Variants in KCNH1 observed in about 807,000 individuals in gnomAD.
KCNH1 encodes voltage-gated delayed rectifier potassium channel KCNH1.
KCNH1 carries 27 observed loss-of-function variants against 69.2 expected under a neutral mutation model. The ratio of observed to expected loss-of-function variants is 0.39; its 90% CI spans 0.29 to 0.54. The LOEUF is 0.54. Ranked by LOEUF, KCNH1 falls within the 20% of genes least tolerant of loss-of-function variation. KCNH1 has a pLI of 0.68. For synonymous variants in KCNH1, 456 were observed against 487.7 expected, an observed-to-expected ratio of 0.93 and a Z score of 0.86; for missense variants, 798 against 1,261.6, an observed-to-expected ratio of 0.63 and a Z score of 5.57.
chr1:210,957,845 G>A (rs1289786146), intron 6 of KCNH1, among the ~76,000 whole-genome samples: 1 of 152,148 alleles, frequency 6.6e-6, no homozygotes, highest in African/African-American at 2.4e-5. Flanking sequence ...ACAGCACACT[G>A]ATGGGTCTTG....
intron 6 of KCNH1, among the ~76,000 whole-genome samples, chr1:210,980,819 ATGTGTG>A (rs57591026): frequency 1.2e-4 from 18 of 149,072 alleles, no homozygotes; most frequent in East Asian, 1.2e-3. Context: ...GTATTAGACA[ATGTGTG>A]TGTGTGTGTG....
intron 6 of KCNH1, among the ~76,000 whole-genome samples, chr1:210,953,159 G>A (rs904053432): frequency 2.6e-5 from 4 of 152,160 alleles, no homozygotes; most frequent in Non-Finnish European, 5.9e-5. Context: ...AGCAAAGGGT[G>A]AGACTTTTCC....
At chr1:210,879,689 A>C (rs1188145763) in intron 7 of KCNH1, among the ~76,000 whole-genome samples, 1 of 152,146 alleles carries the variant, frequency 6.6e-6, no homozygotes, top group Non-Finnish European at 1.5e-5. Context: ...TCCCACTAAC[A>C]TTAGGAACAA....
intron 7 of KCNH1, among the ~76,000 whole-genome samples, chr1:210,875,926 C>G (rs1420925879): frequency 6.6e-6 from 1 of 151,560 alleles, no homozygotes; most frequent in Non-Finnish European, 1.5e-5. Flanking sequence ...TAGGAATAAA[C>G]AAAAATGTGC....
chr1:211,000,936 G>T (rs79960124), intron 6 of KCNH1, among the ~76,000 whole-genome samples: 50,154 of 151,820 alleles, frequency 0.33, 8,713 homozygotes, highest in Non-Finnish European at 0.38. Context: ...TTAATCAATG[G>T]TGCTGGGAAA....
At chr1:211,048,703 G>C (rs1384788607) in intron 5 of KCNH1, among the ~76,000 whole-genome samples, 1 of 152,096 alleles carries the variant, frequency 6.6e-6, no homozygotes, top group Middle Eastern at 3.2e-3. Context: ...GGGAATAATG[G>C]GGGAGTGAGG....
chr1:210,927,087 T>G (rs1687588792), intron 6 of KCNH1, among the ~76,000 whole-genome samples: 1 of 152,202 alleles, frequency 6.6e-6, no homozygotes, highest in African/African-American at 2.4e-5. Context: ...CATCCAAACC[T>G]AAGAATAATT....
At chr1:210,949,097 T>G (rs1688016520) in intron 6 of KCNH1, among the ~76,000 whole-genome samples, 1 of 152,148 alleles carries the variant, frequency 6.6e-6, no homozygotes, top group South Asian at 2.1e-4. Flanking sequence ...ATGAACAATT[T>G]TTTTATTATA....
At chr1:210,932,519 C>A (rs1006499304) in intron 6 of KCNH1, among the ~76,000 whole-genome samples, 1 of 143,524 alleles carries the variant, frequency 7.0e-6, no homozygotes, top group East Asian at 2.1e-4. Flanking sequence ...TCAATAATAA[C>A]CTTTAATGTA....
At chr1:210,816,800 C>T (rs2102421132) in intron 7 of KCNH1, among the ~76,000 whole-genome samples, 4 of 152,252 alleles carry the variant, frequency 2.6e-5, no homozygotes, top group Admixed American at 2.6e-4. Flanking sequence ...ATAGTAGTTA[C>T]AGCTACTTTT....
chr1:211,113,972 T>TCA (rs1226960387), intron 1 of KCNH1, among the ~76,000 whole-genome samples: 5 of 131,614 alleles, frequency 3.8e-5, no homozygotes, highest in African/African-American at 1.3e-4. Context: ...TCTCTCTCTC[T>TCA]CTCACACACA....
In KCNH1 at chr1:211,018,852, A is replaced by G. The variant is rs1689541258; in HGVS notation, c.963T>C (p.Phe321=). The G allele has an allele frequency of 6.2e-7, 1 of 1,614,024 alleles. No homozygotes were observed. The highest frequency in any genetic ancestry group is 8.5e-7 in the Non-Finnish European group (1 of 1,179,960). ...AACCAATCTTCCCTGGATCACCCAT[A>G]AAGGCACTAACCTCATCCACGTTCT... ...AFENVDEVSA[F]MGDPGKIGFA... Residue 321 remains phenylalanine (F), a synonymous_variant, in exon 6 of 11, where the codon TTT becomes TTC. Transcript: ENST00000271751.
intron 10 of KCNH1, among the ~76,000 whole-genome samples, chr1:210,710,386 TA>T (rs147590673): frequency 0.013 from 2,029 of 151,954 alleles, 36 homozygotes; most frequent in African/African-American, 0.046. Context: ...TACAGGGAAG[TA>T]GAAATGGGTG....
chr1:211,016,908 C>CAAA (rs550833970), intron 6 of KCNH1, among the ~76,000 whole-genome samples: 1 of 90,742 alleles, frequency 1.1e-5, no homozygotes, highest in East Asian at 3.6e-4. Flanking sequence ...GACTCTGTCT[C>CAAA]AAAAAAAAAA....
intron 7 of KCNH1, chr1:210,861,817 G>C: frequency 1.3e-6 from 1 of 761,168 alleles, no homozygotes; most frequent in East Asian, 2.4e-5. Context: ...ATACTCATAA[G>C]TTTTCACAAG....
At chr1:210,921,395 T>C (rs1057510075) in intron 6 of KCNH1, among the ~76,000 whole-genome samples, 3 of 152,234 alleles carry the variant, frequency 2.0e-5, no homozygotes, top group African/African-American at 7.2e-5. Flanking sequence ...GTAGATTGAA[T>C]TACTTTTCAT....
At chr1:211,045,041 G>GATATATAGATATATATATATAT (rs1164564038) in intron 5 of KCNH1, among the ~76,000 whole-genome samples, 818 of 81,708 alleles carry the variant, frequency 0.01, 49 homozygotes, top group African/African-American at 0.033. Flanking sequence ...AATTGTGGGG[G>GATATATAGATATATATATATAT]ATATATATAT....
At chr1:211,083,937 G>A (rs563405589) in intron 4 of KCNH1, among the ~76,000 whole-genome samples, 39 of 152,280 alleles carry the variant, frequency 2.6e-4, no homozygotes, top group African/African-American at 9.4e-4. Context: ...CACAACCTAT[G>A]AGAATCATAA....
chr1:211,002,080 G>A (rs1689193225), intron 6 of KCNH1, among the ~76,000 whole-genome samples: 1 of 151,918 alleles, frequency 6.6e-6, no homozygotes, highest in Non-Finnish European at 1.5e-5. Context: ...GTTAATGGGT[G>A]CAGCACACCA....
Sources: allele counts gnomAD v4.1 joint callset (sites outside exome capture counted in the v4.1 genomes callset), GRCh38; gene constraint gnomAD v4.1.1; transcripts MANE v1.5; gene names NCBI Gene and HGNC (gene_info 2026-07-23, HGNC 2026-07-21).